Variants in SCRIB observed in about 807,000 individuals in gnomAD.
The protein encoded by SCRIB is protein scribble homolog.
A neutral mutation model predicts 170.0 loss-of-function variants in SCRIB; 72 were observed. That is an observed-to-expected ratio of 0.42 (90% CI 0.35 to 0.52). SCRIB has a LOEUF of 0.52. Among genes scored for constraint, SCRIB ranks in the 20% least tolerant of loss-of-function variants. The pLI, the probability that SCRIB is intolerant of heterozygous loss-of-function variation, is 0.02. For missense variants in SCRIB, 2,475 were observed against 2,338.5 expected (o/e 1.06, Z -1.20); for synonymous variants, 1,298 against 1,044.3 (o/e 1.24, Z -4.68).
chr8:143,791,448 G>C lies in SCRIB; in HGVS notation c.4771-8C>G, dbSNP rs782222427. On this transcript the variant is annotated splice_region_variant and splice_polypyrimidine_tract_variant and intron_variant, in intron 35 of 36. Coordinates refer to ENST00000356994, the MANE Select transcript of SCRIB (RefSeq NM_182706.5). ...CTCAGCAAAGTCCGGTGACTGTGAT[G>C]GGGAGAGTGTTGGTCAGGCCGGTGC... The C allele has an allele frequency of 6.2e-7, 1 of 1,610,140 alleles. No individual in the cohort carries two copies. Among genetic ancestry groups the C allele is most frequent in the East Asian group, 2.2e-5 (1 of 44,678 alleles).
intron 24 of SCRIB, among the ~76,000 whole-genome samples, chr8:143,798,806 G>A (rs563770661): frequency 2.6e-5 from 4 of 151,996 alleles, no homozygotes; most frequent in East Asian, 1.9e-4. Context: ...TCCTGAGCAC[G>A]CCTGGCCCAT....
rs137872634 is a variant in SCRIB at position 143,810,544 on chromosome 8, C to T, written c.1465G>A (p.Glu489Lys). 11 of 1,613,352 alleles carry T rather than the reference C, an allele frequency of 6.8e-6. No individual in the cohort carries two copies. The highest frequency in any genetic ancestry group is 4.0e-5 in the African/African-American group (3 of 74,920). The change falls in exon 13 of 37, where the codon GAG becomes AAG. Residue 489 changes from glutamate to lysine, a missense_variant. Glu to Lys is a moderately conservative substitution (Grantham distance 56). Around this residue, in one of 3 missense-constraint regions of SCRIB, gnomAD observed 1,966 missense variants for 1,742.9 expected, o/e 1.13. Coordinates refer to ENST00000356994, the MANE Select transcript of SCRIB (RefSeq NM_182706.5). ...GGGCAGGCCTCGCTCCGCCGCCCCT[C>T]GATGCTCCTCTTCATCACCTTGAGC... The part of the protein sequence containing the change: ...SELKVMKRSI[E>K]GRRSEACPCQ...
At position 143,792,786 on chromosome 8, in the gene SCRIB, C is replaced by T. The variant is rs782403500; in HGVS notation, c.4099G>A (p.Val1367Met). Residue 1367 changes from valine (V) to methionine (M), a missense_variant, in exon 30 of 37, where the codon GTG becomes ATG. By Grantham distance (21) the Val-to-Met change is conservative. Coordinates refer to ENST00000356994, the MANE Select transcript of SCRIB (RefSeq NM_182706.5). ...TTAGGGGGGCCCTCGGCCTGGGGCA[C>T]GCGCACCTCCAGCTCAAAGTACTTC... ...RQKYFELEVR[V>M]PQAEGPPKRV... The T allele has an allele frequency of 3.2e-5, 51 of 1,578,894 alleles. No individual in the cohort carries two copies. The highest frequency in any genetic ancestry group is 8.1e-5 in the African/African-American group (6 of 74,218).
chr8:143,803,615 GC>G (rs782381262), intron 23 of SCRIB, 31 bp downstream of exon 23: 1 of 576,044 alleles, frequency 1.7e-6, no homozygotes, highest in South Asian at 1.5e-5. Flanking sequence ...GGGGGGTGGG[GC>G]CCAGGGCGGG....
rs1554632501 is a variant in SCRIB, at chr8:143,791,218, C to T, written c.4913G>A (p.Ser1638Asn). 9 of 1,464,232 alleles carry T rather than the reference C, an allele frequency of 6.1e-6. No homozygotes were observed. The highest frequency in any genetic ancestry group is 2.7e-5 in the Admixed American group (1 of 37,072). 90.7% of individuals were successfully genotyped at this position (1,464,232 alleles called of 1,614,324 possible). A position where few individuals can be genotyped will look rare whatever the true frequency, so the allele number is the denominator to read the frequency against. ...CCCAGGCCTTACGGGGCGGCGGCTG[C>T]TGCACAGTGCCACATCTTCAGGGCC... ...AVGPEDVALC[S>N]SRRPVRPGRR... The change falls in exon 37 of 37, where the codon AGC becomes AAC. Residue 1638 changes from serine (S) to asparagine (N), a missense_variant. Ser to Asn is a conservative substitution (Grantham distance 46). Transcript: ENST00000356994.
intron 14 of SCRIB, 21 bp from the exon 15 acceptor site, chr8:143,809,046 G>C (rs779738477): frequency 1.9e-6 from 3 of 1,595,986 alleles, no homozygotes; most frequent in South Asian, 1.1e-5. Flanking sequence ...AAAAGGGTGA[G>C]GGTGGCCCCA....
chr8:143,809,146 G>T, intron 14 of SCRIB, 121 bp from the exon 15 acceptor site: 1 of 1,304,896 alleles, frequency 7.7e-7, no homozygotes, highest in Non-Finnish European at 1.0e-6. Flanking sequence ...CAAAGACTCA[G>T]CACTAACTGC....
At chr8:143,808,029 G>A (rs1204496791) in intron 15 of SCRIB, among the ~76,000 whole-genome samples, 6 of 152,210 alleles carry the variant, frequency 3.9e-5, no homozygotes, top group African/African-American at 9.7e-5. Context: ...CTGGTGCCCC[G>A]AAGGCCTGTG....
At chr8:143,807,402 G>A (rs1815476797) in intron 16 of SCRIB, 150 bp downstream of exon 16, 6 of 750,908 alleles carry the variant, frequency 8.0e-6, no homozygotes, top group Middle Eastern at 3.0e-4. Context: ...CAGGCAGGAG[G>A]TGTCCTGATC....
At chr8:143,811,476 C>G in intron 9 of SCRIB, 131 bp from the exon 10 acceptor site, 1 of 766,878 alleles carries the variant, frequency 1.3e-6, no homozygotes, top group Admixed American at 2.5e-5. Flanking sequence ...CCCTGGAGAC[C>G]GGGACAAGGA....
intron 13 of SCRIB, among the ~76,000 whole-genome samples, chr8:143,809,992 A>G (rs1815631697): frequency 6.6e-6 from 1 of 152,122 alleles, no homozygotes; most frequent in Admixed American, 6.5e-5. Flanking sequence ...TTCCCAGGAA[A>G]ATCCCAGCGT....
At chr8:143,801,267 C>T (rs1232588715) in intron 24 of SCRIB, among the ~76,000 whole-genome samples, 1 of 152,214 alleles carries the variant, frequency 6.6e-6, no homozygotes, top group Admixed American at 6.5e-5. Context: ...GGGGACATGG[C>T]TTGAGCGCAG....
chr8:143,804,277 C>T (rs563281961), intron 21 of SCRIB, 121 bp from the exon 22 acceptor site: 12 of 767,734 alleles, frequency 1.6e-5, no homozygotes, highest in South Asian at 7.4e-5. Context: ...CTAATGCCCA[C>T]GGGGATTTCT....
In SCRIB at chr8:143,812,761, C is replaced by A. The variant is rs1586530387; in HGVS notation, c.787+56G>T. 3.2e-6 allele frequency: 5 copies of A among 1,575,932 alleles called. No individual in the cohort carries two copies. In the East Asian group the frequency reaches 9.0e-5, roughly 28 times the overall value. ...CCACACACAGCCCCGACGCCCCACG[C>A]TCCTCCCAGGGCCAGGCTCCGTGTG... On this transcript the variant is annotated intron_variant, in intron 8 of 36. Transcript: ENST00000356994.
chr8:143,805,415 C>T lies in SCRIB; in HGVS notation c.2367G>A (p.Gln789=), dbSNP rs1423824509. 1.3e-6 allele frequency: 2 copies of T among 1,517,906 alleles called. No individual in the cohort carries two copies. The highest frequency in any genetic ancestry group is 1.8e-6 in the Non-Finnish European group (2 of 1,136,204). 94.0% of individuals were successfully genotyped at this position (1,517,906 alleles called of 1,614,324 possible). The change falls in exon 19 of 37, where the codon CAG becomes CAA. Residue 789 remains glutamine, a synonymous_variant. Transcript: ENST00000356994. ...KLLEVNGVAL[Q]GAEHHEAVEA... The stretch of plus-strand genomic sequence containing the variant: ...CCACGGCCTCGTGGTGCTCGGCGCC[C>T]TGCAGAGCCACACCATTCACCTGCG...
chr8:143,815,078 TG>T, intron 1 of SCRIB, 135 bp downstream of exon 1: 1 of 1,011,522 alleles, frequency 9.9e-7, no homozygotes. Flanking sequence ...TGGGGCTGGC[TG>T]GGGTGGGGAC....
rs960591835 is a variant in SCRIB at position 143,805,278 on chromosome 8, C to T, written c.2504G>A (p.Ser835Asn). 8.4e-6 allele frequency: 13 copies of T among 1,554,844 alleles called. No individual in the cohort carries two copies. Among genetic ancestry groups the T allele is most frequent in the Non-Finnish European group, 1.1e-5 (13 of 1,156,494 alleles). ...ITPLRPEDDY[S>N]PRERRGGGLR... ...CCCCCCTCCCCGCCGCTCTCGGGGG[C>T]TGTAATCATCCTCGGGCCGCAGCGG... The change falls in exon 19 of 37, where the codon AGC (serine) becomes AAC (asparagine). Residue 835 changes from serine to asparagine, a missense_variant. Physicochemically the swap from Ser to Asn is conservative, Grantham distance 46. Transcript: ENST00000356994.
At chr8:143,798,220 C>T (rs1180396788) in intron 24 of SCRIB, among the ~76,000 whole-genome samples, 2 of 151,586 alleles carry the variant, frequency 1.3e-5, no homozygotes, top group Non-Finnish European at 2.9e-5. Flanking sequence ...CGTGCCACTG[C>T]ACTTCAGCTT....
rs1253865447 is a variant in SCRIB, at chr8:143,791,039, C to G, written c.*124G>C. 4 of 1,083,688 alleles carry G rather than the reference C, an allele frequency of 3.7e-6. No homozygotes were observed. Among genetic ancestry groups the G allele is most frequent in the Non-Finnish European group, 4.8e-6 (4 of 839,242 alleles). 67.1% of individuals were successfully genotyped at this position (1,083,688 alleles called of 1,614,324 possible). A position where few individuals can be genotyped will look rare whatever the true frequency, so the allele number is the denominator to read the frequency against. ...GGCTGGGGTGGGGCAGTTAGTTAGTCACAGGCCAGAACTCCTGTGGGGTCT... is the reference window on the plus strand; with the variant it reads ...GGCTGGGGTGGGGCAGTTAGTTAGTGACAGGCCAGAACTCCTGTGGGGTCT... On this transcript the variant is annotated 3_prime_UTR_variant, in exon 37 of 37. Coordinates refer to ENST00000356994, the MANE Select transcript of SCRIB (RefSeq NM_182706.5).
Sources: gnomAD v4.1 joint callset for allele counts (sites outside exome capture counted in the v4.1 genomes callset) on GRCh38, gnomAD v4.1.1 for gene constraint, gnomAD v4.1.1 regional missense constraint, MANE v1.5 for transcripts, NCBI Gene and HGNC (gene_info 2026-07-23, HGNC 2026-07-21) for gene names.